NEGR1: variants seen among roughly 807,000 people sequenced by gnomAD.
The protein encoded by NEGR1 is IgLON family member 4.
A neutral mutation model predicts 40.9 loss-of-function variants in NEGR1; 10 were observed. The ratio of observed to expected loss-of-function variants is 0.24; its 90% CI spans 0.15 to 0.42. The LOEUF (loss-of-function observed/expected upper bound fraction) is 0.42, where lower values mean the gene tolerates loss of function less well. Ranked by LOEUF, NEGR1 falls within the 10% of genes least tolerant of loss-of-function variation. The pLI is 1.00. For synonymous variants in NEGR1, 185 were observed against 166.8 expected, an observed-to-expected ratio of 1.11 and a Z score of -0.84; for missense variants, 352 against 438.9, an observed-to-expected ratio of 0.80 and a Z score of 1.77.
At chr1:72,009,891 A>T (rs1005668076) in intron 1 of NEGR1, among the ~76,000 whole-genome samples, 5 of 152,122 alleles carry the variant, frequency 3.3e-5, no homozygotes, top group Non-Finnish European at 7.4e-5. Flanking sequence ...GGGGTCAGAC[A>T]TAGCCATTCT....
At chr1:71,867,704 A>T (rs1414089081) in intron 2 of NEGR1, among the ~76,000 whole-genome samples, 4 of 152,150 alleles carry the variant, frequency 2.6e-5, no homozygotes, top group Admixed American at 2.6e-4. Flanking sequence ...AAAATCCAAA[A>T]TATTGTATCA....
At position 72,183,871 on chromosome 1, in the gene NEGR1, G is replaced by A. The variant is rs368004418; in HGVS notation, c.176+98448C>T. On this transcript the variant is annotated intron_variant, in intron 1 of 6. Transcript: ENST00000357731. ...ACATTTGAGATTGGCCTTCAAGTAT[G>A]AGTAATATTTTTTTAATGGAAAATA... 5.3e-5 allele frequency among the ~76,000 whole-genome samples: 8 copies of A among 152,168 alleles called. No homozygotes were observed. The East Asian group carries it at 1.2e-3, about 22-fold the overall frequency.
At chr1:71,649,909 T>A (rs766002213) in intron 4 of NEGR1, among the ~76,000 whole-genome samples, 76 of 152,176 alleles carry the variant, frequency 5.0e-4, no homozygotes, top group Non-Finnish European at 8.8e-4. Context: ...AATGATGGGA[T>A]TGGCAAAGGA....
chr1:72,151,954 T>C (rs1484186573), intron 1 of NEGR1, among the ~76,000 whole-genome samples: 1 of 151,842 alleles, frequency 6.6e-6, no homozygotes, highest in Non-Finnish European at 1.5e-5. Context: ...TTTGGATTTG[T>C]TTCTCTTAAT....
chr1:71,819,294 A>G (rs1476319886), intron 2 of NEGR1, among the ~76,000 whole-genome samples: 7 of 152,034 alleles, frequency 4.6e-5, no homozygotes, highest in Admixed American at 1.3e-4. Context: ...GACTATCATC[A>G]GTGGCATTGA....
Position 71,399,052 on chromosome 1 carries a change from G to C in NEGR1, c.*8394C>G, listed in dbSNP as rs2101245608. 1 of 152,166 alleles carries C rather than the reference G, an allele frequency of 6.6e-6. No homozygotes were observed. The highest frequency in any genetic ancestry group is 2.4e-5 in the African/African-American group (1 of 41,488). 9.4% of individuals were successfully genotyped at this position (152,166 alleles called of 1,614,324 possible). On this transcript the variant is annotated 3_prime_UTR_variant, in exon 7 of 7. Transcript: ENST00000357731. ...TTCTTTTGCATATTGCCCTGTCTCG[G>C]GTATATCTTTATCAGCAGTGTGAAA...
chr1:72,069,923 A>C (rs541157773), intron 1 of NEGR1, among the ~76,000 whole-genome samples: 1 of 152,206 alleles, frequency 6.6e-6, no homozygotes, highest in East Asian at 1.9e-4. Flanking sequence ...TTATAGAATA[A>C]TTTCAAGTAT....
chr1:71,533,382 A>G lies in NEGR1; in HGVS notation c.940+59435T>C, dbSNP rs1647415332. Among the ~76,000 whole-genome samples the G allele has an allele frequency of 2.0e-5, 3 of 151,736 alleles. No individual in the cohort carries two copies. In the South Asian group the frequency reaches 6.2e-4, roughly 31 times the overall value. ...ATAAAGCTCAAATTGCCCCAAAATA[A>G]CTTTTCAAAGGTAAAATCTCATTAT... On this transcript the variant is annotated intron_variant, in intron 6 of 6. Transcript: ENST00000357731.
intron 2 of NEGR1, among the ~76,000 whole-genome samples, chr1:71,837,191 G>A (rs1659067489): frequency 6.6e-6 from 1 of 152,084 alleles, no homozygotes; most frequent in African/African-American, 2.4e-5. Context: ...CTTTTGAAGA[G>A]TAGCTGATAA....
rs78216194 is a variant in NEGR1 at position 71,658,236 on chromosome 1, G to T, written c.667+39772C>A. ...CAAAATACTCAGCATAGTGTGTGAC[G>T]TATAGCAATTGCCATAAGTTAAGGT... On this transcript the variant is annotated intron_variant, in intron 4 of 6. Coordinates refer to ENST00000357731, the MANE Select transcript of NEGR1 (RefSeq NM_173808.3). Among the ~76,000 whole-genome samples, 31 of 152,114 alleles carry T rather than the reference G, an allele frequency of 2.0e-4. 1 individual carries two copies. Among genetic ancestry groups the T allele is most frequent in the Admixed American group, 8.5e-4 (13 of 15,276 alleles).
chr1:71,443,308 A>T (rs1646560342), intron 6 of NEGR1, among the ~76,000 whole-genome samples: 1 of 152,118 alleles, frequency 6.6e-6, no homozygotes, highest in African/African-American at 2.4e-5. Flanking sequence ...ACCTCGCTAG[A>T]TCCCAGTGAT....
At chr1:72,186,617 C>A (rs1027215632) in intron 1 of NEGR1, among the ~76,000 whole-genome samples, 2 of 151,554 alleles carry the variant, frequency 1.3e-5, no homozygotes, top group African/African-American at 2.4e-5. Context: ...GACTATTCTA[C>A]CTCATTATAT....
chr1:71,687,663 T>G (rs1653083276), intron 4 of NEGR1, among the ~76,000 whole-genome samples: 1 of 152,230 alleles, frequency 6.6e-6, no homozygotes, highest in African/African-American at 2.4e-5. Context: ...TCAGCCATTC[T>G]GACAGCTAGC....
At chr1:72,037,816 TAGA>T (rs1646916747) in intron 1 of NEGR1, among the ~76,000 whole-genome samples, 1 of 152,134 alleles carries the variant, frequency 6.6e-6, no homozygotes, top group Non-Finnish European at 1.5e-5. Context: ...ACTCTAATAG[TAGA>T]AGTACTTCCA....
chr1:72,238,345 A>T (rs990716964), intron 1 of NEGR1, among the ~76,000 whole-genome samples: 2 of 151,906 alleles, frequency 1.3e-5, no homozygotes, highest in Non-Finnish European at 2.9e-5. Flanking sequence ...AATACATGTA[A>T]AGTTTAAAAT....
At chr1:71,961,035 G>A (rs191116883) in intron 1 of NEGR1, among the ~76,000 whole-genome samples, 13 of 152,074 alleles carry the variant, frequency 8.5e-5, no homozygotes, top group South Asian at 4.2e-4. Flanking sequence ...TAGCAACTAC[G>A]TATCAGACTT....
At chr1:71,695,057 A>G (rs998846397) in intron 4 of NEGR1, among the ~76,000 whole-genome samples, 1 of 151,766 alleles carries the variant, frequency 6.6e-6, no homozygotes, top group African/African-American at 2.4e-5. Flanking sequence ...TTTCCTCTGG[A>G]AAATCAGCTC....
At chr1:72,269,703 G>A (rs757774882) in intron 1 of NEGR1, among the ~76,000 whole-genome samples, 6 of 151,342 alleles carry the variant, frequency 4.0e-5, no homozygotes, top group Non-Finnish European at 7.4e-5. Flanking sequence ...ATTTTTTTCT[G>A]TTATCAATAG....
At chr1:72,189,543 G>C (rs746252927) in intron 1 of NEGR1, among the ~76,000 whole-genome samples, 16 of 151,392 alleles carry the variant, frequency 1.1e-4, no homozygotes, top group Non-Finnish European at 2.2e-4. Flanking sequence ...CCTTGATAAG[G>C]AACTCTTAAA....
Sources: allele counts gnomAD v4.1 joint callset (sites outside exome capture counted in the v4.1 genomes callset), GRCh38; gene constraint gnomAD v4.1.1; transcripts MANE v1.5; gene names NCBI Gene and HGNC (gene_info 2026-07-23, HGNC 2026-07-21).